Variants in CDK6 observed in about 807,000 individuals in gnomAD.
CDK6 encodes the protein cyclin-dependent kinase 6.
In CDK6, 6 loss-of-function variants were observed where a neutral mutation model predicts 37.1. The ratio of observed to expected loss-of-function variants is 0.16; its 90% confidence interval spans 0.09 to 0.32. The LOEUF (loss-of-function observed/expected upper bound fraction) is 0.32, where lower values mean the gene tolerates loss of function less well. Among genes scored for constraint, CDK6 ranks in the 10% least tolerant of loss-of-function variants. The pLI is 1.00. For missense variants in CDK6, 224 were observed against 418.9 expected, an observed-to-expected ratio of 0.53 and a Z score of 4.06; for synonymous variants, 160 against 161.3, an observed-to-expected ratio of 0.99 and a Z score of 0.06.
At chr7:92,741,457 C>A (rs1798924456) in intron 3 of CDK6, among the ~76,000 whole-genome samples, 2 of 151,960 alleles carry the variant, frequency 1.3e-5, no homozygotes, top group African/African-American at 4.8e-5. Context: ...AACTGAATGT[C>A]CTTATTTTAT....
chr7:92,627,368 C>A (rs1050741395), intron 5 of CDK6, among the ~76,000 whole-genome samples: 1 of 152,058 alleles, frequency 6.6e-6, no homozygotes, highest in African/African-American at 2.4e-5. Flanking sequence ...ATCCTAATTC[C>A]TAAGGTGATG....
chr7:92,684,881 A>G (rs1464269571), intron 4 of CDK6, among the ~76,000 whole-genome samples: 1 of 152,176 alleles, frequency 6.6e-6, no homozygotes, highest in East Asian at 1.9e-4. Flanking sequence ...ATTACTTGAC[A>G]TAAGAATTCT....
intron 2 of CDK6, among the ~76,000 whole-genome samples, chr7:92,819,589 G>A (rs1346222456): frequency 6.6e-6 from 1 of 151,822 alleles, no homozygotes; most frequent in Non-Finnish European, 1.5e-5. Flanking sequence ...AGATCACCAG[G>A]CATTTAAAAA....
At chr7:92,818,623 T>C (rs1001159678) in intron 2 of CDK6, among the ~76,000 whole-genome samples, 2 of 152,024 alleles carry the variant, frequency 1.3e-5, no homozygotes, top group Non-Finnish European at 2.9e-5. Context: ...TAAAATATTC[T>C]GTTTGACATA....
rs538373779 is a variant in CDK6, at chr7:92,653,901, C to T, written c.647+17525G>A. Among the ~76,000 whole-genome samples the T allele has an allele frequency of 3.3e-5, 5 of 152,264 alleles. No individual in the cohort carries two copies. In the South Asian group the frequency reaches 8.3e-4, roughly 25 times the overall value. On this transcript the variant is annotated intron_variant, in intron 5 of 7. Transcript: ENST00000424848. ...GATCACAGGTGTAAGCCACTGCACC[C>T]GGCCTCAAGATCATCAATTTCTTAG...
chr7:92,669,789 T>C (rs1463679530), intron 5 of CDK6, among the ~76,000 whole-genome samples: 2 of 152,238 alleles, frequency 1.3e-5, no homozygotes, highest in African/African-American at 2.4e-5. Flanking sequence ...TTTTAAAGAC[T>C]GCCCATCCCT....
intron 3 of CDK6, among the ~76,000 whole-genome samples, chr7:92,750,079 GTA>G (rs35495950): frequency 0.013 from 2,021 of 152,238 alleles, 44 homozygotes; most frequent in African/African-American, 0.047. Context: ...GTACAAGCAA[GTA>G]TAGTAACACA....
At chr7:92,685,001 G>A (rs1274471012) in intron 4 of CDK6, among the ~76,000 whole-genome samples, 1 of 152,012 alleles carries the variant, frequency 6.6e-6, no homozygotes, top group Non-Finnish European at 1.5e-5. Flanking sequence ...ATGTGTCCTA[G>A]CCCTTTATTT....
chr7:92,644,056 G>A (rs1454287003), intron 5 of CDK6, among the ~76,000 whole-genome samples: 3 of 152,242 alleles, frequency 2.0e-5, no homozygotes, highest in Non-Finnish European at 4.4e-5. Context: ...GGCAAAAGCA[G>A]AGAACTGGGT....
intron 4 of CDK6, among the ~76,000 whole-genome samples, chr7:92,676,026 T>G (rs1483185675): frequency 6.6e-6 from 1 of 152,076 alleles, no homozygotes; most frequent in East Asian, 1.9e-4. Context: ...ACTGACATAA[T>G]TTTATTTCCA....
chr7:92,819,015 A>C (rs944789193), intron 2 of CDK6, among the ~76,000 whole-genome samples: 1 of 152,104 alleles, frequency 6.6e-6, no homozygotes, highest in Non-Finnish European at 1.5e-5. Flanking sequence ...CAATTTCTTA[A>C]AAATTAAATA....
At chr7:92,651,666 A>T (rs1265173206) in intron 5 of CDK6, among the ~76,000 whole-genome samples, 1 of 152,156 alleles carries the variant, frequency 6.6e-6, no homozygotes. Flanking sequence ...AAACAGAGTG[A>T]CTTCAGGGGG....
At chr7:92,779,920 C>A (rs1799945447) in intron 2 of CDK6, among the ~76,000 whole-genome samples, 1 of 151,994 alleles carries the variant, frequency 6.6e-6, no homozygotes, top group Non-Finnish European at 1.5e-5. Context: ...CTGGAATTGC[C>A]CCAAATCAAA....
chr7:92,612,776 G>A lies in CDK6; in HGVS notation c.*2364C>T. On this transcript the variant is annotated 3_prime_UTR_variant, in exon 8 of 8. Transcript: ENST00000424848. ...TTCAGAACAGCTGCATTTTTCTTGAGTGAACTTATGAAAACACTTTTACAA... is the reference window on the plus strand; with the variant it reads ...TTCAGAACAGCTGCATTTTTCTTGAATGAACTTATGAAAACACTTTTACAA... 1 of 233,110 alleles carries A rather than the reference G, an allele frequency of 4.3e-6. No individual in the cohort carries two copies. The highest frequency in any genetic ancestry group is 8.5e-6 in the Non-Finnish European group (1 of 117,958). The allele number at this position is 233,110 out of a possible 1,614,324, so 14.4% of individuals were successfully genotyped here.
At chr7:92,806,519 A>G (rs577723209) in intron 2 of CDK6, among the ~76,000 whole-genome samples, 14 of 152,320 alleles carry the variant, frequency 9.2e-5, no homozygotes, top group Non-Finnish European at 1.9e-4. Context: ...CCCTGGTGGG[A>G]AGGAGTGGAG....
intron 3 of CDK6, among the ~76,000 whole-genome samples, chr7:92,767,101 G>A (rs923365549): frequency 1.3e-5 from 2 of 152,060 alleles, no homozygotes; most frequent in Admixed American, 6.6e-5. Context: ...TAGTTCTGCT[G>A]CTCTTTTACA....
chr7:92,800,414 T>C (rs528998081), intron 2 of CDK6, among the ~76,000 whole-genome samples: 2 of 152,332 alleles, frequency 1.3e-5, no homozygotes, highest in Admixed American at 1.3e-4. Flanking sequence ...TGGAGCCTCA[T>C]TTTCTTGCTC....
intron 4 of CDK6, among the ~76,000 whole-genome samples, chr7:92,693,121 A>G (rs750849967): frequency 5.9e-5 from 9 of 152,350 alleles, no homozygotes; most frequent in Non-Finnish European, 1.2e-4. Context: ...ATTAATAGGA[A>G]TGTCTGTTTT....
intron 4 of CDK6, among the ~76,000 whole-genome samples, chr7:92,672,180 C>CACACAT (rs1797094126): frequency 2.0e-5 from 2 of 99,008 alleles, no homozygotes; most frequent in Admixed American, 1.1e-4. Context: ...CACACACACA[C>CACACAT]ACAGACACAT....
Sources: gnomAD v4.1 joint callset for allele counts (sites outside exome capture counted in the v4.1 genomes callset) on GRCh38, gnomAD v4.1.1 for gene constraint, MANE v1.5 for transcripts, NCBI Gene and HGNC (gene_info 2026-07-23, HGNC 2026-07-21) for gene names.